ARHGEF28: variants seen among roughly 807,000 people sequenced by gnomAD.
ARHGEF28 encodes Rho guanine nucleotide exchange factor 28.
A neutral mutation model predicts 206.6 loss-of-function variants in ARHGEF28; 152 were observed. The observed-to-expected ratio is 0.74, with a 90% CI of 0.64 to 0.84. ARHGEF28 has a LOEUF of 0.84. Ranked by LOEUF, ARHGEF28 falls within the 40% of genes least tolerant of loss-of-function variation. ARHGEF28 has a pLI of 0.00. For missense variants in ARHGEF28, 2,028 were observed against 2,073.2 expected, an observed-to-expected ratio of 0.98 and a Z score of 0.42; for synonymous variants, 763 against 776.4, an observed-to-expected ratio of 0.98 and a Z score of 0.29.
At chr5:73,633,671 G>T (rs1450703107) in intron 1 of ARHGEF28, among the ~76,000 whole-genome samples, 1 of 149,082 alleles carries the variant, frequency 6.7e-6, no homozygotes, top group Non-Finnish European at 1.5e-5. Flanking sequence ...CCGCCTCCTG[G>T]GTTCAAGCAA....
At chr5:73,742,708 C>T (rs754026189) in intron 2 of ARHGEF28, among the ~76,000 whole-genome samples, 7 of 150,558 alleles carry the variant, frequency 4.6e-5, no homozygotes, top group Non-Finnish European at 7.4e-5. Flanking sequence ...CCTGTAGTCC[C>T]AGCTACTCGG....
intron 9 of ARHGEF28, among the ~76,000 whole-genome samples, chr5:73,807,214 T>C (rs149173396): frequency 8.5e-5 from 13 of 152,202 alleles, no homozygotes; most frequent in Middle Eastern, 3.4e-3. Context: ...TTATTCTTGC[T>C]TCTGCCACCT....
intron 9 of ARHGEF28, among the ~76,000 whole-genome samples, chr5:73,826,300 T>A (rs1390522379): frequency 6.6e-6 from 1 of 152,194 alleles, no homozygotes; most frequent in Non-Finnish European, 1.5e-5. Flanking sequence ...AGGCTCACCC[T>A]TTTTATGGTG....
rs1452905124 is a variant in ARHGEF28 at position 73,806,373 on chromosome 5, TATATATAG to T, written c.1024+10998_1024+11005del. On this transcript the variant is annotated intron_variant, in intron 9 of 35. Transcript: ENST00000513042. ...AGATATACTATCTATCTATATATAC[TATATATAG>T]ATATATAGATATATATACATATATA... Among the ~76,000 whole-genome samples, 22 of 30,280 alleles carry T rather than the reference TATATATAG, an allele frequency of 7.3e-4. 1 individual carries two copies. In the South Asian group the frequency reaches 0.022, roughly 31 times the overall value. 19.9% of individuals were successfully genotyped at this position (30,280 alleles called of 152,430 possible).
At chr5:73,733,768 AAG>A (rs1376276504) in intron 2 of ARHGEF28, among the ~76,000 whole-genome samples, 7 of 152,298 alleles carry the variant, frequency 4.6e-5, no homozygotes, top group Non-Finnish European at 7.4e-5. Flanking sequence ...AGGCGTGAAA[AAG>A]AAGAAATATC....
chr5:73,652,596 T>G (rs910955846), intron 1 of ARHGEF28, among the ~76,000 whole-genome samples: 2 of 152,134 alleles, frequency 1.3e-5, no homozygotes, highest in Non-Finnish European at 2.9e-5. Flanking sequence ...TCTTTGTAGG[T>G]TTATGAGTGA....
At chr5:73,757,038 T>TTCCACTAA (rs1752351951) in intron 4 of ARHGEF28, among the ~76,000 whole-genome samples, 1 of 152,330 alleles carries the variant, frequency 6.6e-6, no homozygotes, top group East Asian at 1.9e-4. Flanking sequence ...TTTGGTGGGG[T>TTCCACTAA]TCCACTAATC....
At chr5:73,841,083 T>G (rs994407244) in intron 11 of ARHGEF28, among the ~76,000 whole-genome samples, 1 of 152,226 alleles carries the variant, frequency 6.6e-6, no homozygotes, top group Non-Finnish European at 1.5e-5. Flanking sequence ...GAGAAAATTG[T>G]GTAACTTGGG....
At chr5:73,654,062 G>C (rs1745015531) in intron 1 of ARHGEF28, among the ~76,000 whole-genome samples, 1 of 152,168 alleles carries the variant, frequency 6.6e-6, no homozygotes, top group East Asian at 1.9e-4. Flanking sequence ...CCTTAAGTTA[G>C]GGTGCTTAAG....
intron 1 of ARHGEF28, among the ~76,000 whole-genome samples, chr5:73,657,539 T>C (rs2112180536): frequency 6.6e-6 from 1 of 152,336 alleles, no homozygotes; most frequent in South Asian, 2.1e-4. Context: ...TGTACTGTCT[T>C]TTTCATGATG....
At chr5:73,781,669 G>A (rs1561399615) in intron 7 of ARHGEF28, among the ~76,000 whole-genome samples, 2 of 152,006 alleles carry the variant, frequency 1.3e-5, no homozygotes, top group South Asian at 2.1e-4. Context: ...TTCAAAACCC[G>A]GTGGTTGCAA....
chr5:73,735,259 A>T (rs914955601), intron 2 of ARHGEF28, among the ~76,000 whole-genome samples: 1 of 151,540 alleles, frequency 6.6e-6, no homozygotes, highest in Non-Finnish European at 1.5e-5. Context: ...AAATTAAATT[A>T]AAATTTATTT....
At chr5:73,921,494 T>C (rs1453325577) in intron 35 of ARHGEF28, among the ~76,000 whole-genome samples, 1 of 152,236 alleles carries the variant, frequency 6.6e-6, no homozygotes, top group Non-Finnish European at 1.5e-5. Flanking sequence ...TTCAGTTTAA[T>C]TTGAAATGTT....
chr5:73,703,607 T>C (rs1485742679), intron 2 of ARHGEF28, among the ~76,000 whole-genome samples: 1 of 152,070 alleles, frequency 6.6e-6, no homozygotes, highest in East Asian at 1.9e-4. Flanking sequence ...ATTCAGTTAC[T>C]TGAAAGGCTT....
At chr5:73,793,725 T>G (rs1270580220) in intron 7 of ARHGEF28, among the ~76,000 whole-genome samples, 1 of 152,142 alleles carries the variant, frequency 6.6e-6, no homozygotes, top group African/African-American at 2.4e-5. Context: ...CGGCTCTTGT[T>G]TAAGGGCAAC....
intron 9 of ARHGEF28, among the ~76,000 whole-genome samples, chr5:73,824,660 G>T (rs1324139486): frequency 1.4e-4 from 22 of 152,066 alleles, no homozygotes; most frequent in Non-Finnish European, 2.9e-5. Flanking sequence ...TAGAGACAGG[G>T]TTTTGCCGTG....
chr5:73,906,181 CATCTT>C (rs1400745231), intron 33 of ARHGEF28, among the ~76,000 whole-genome samples: 2 of 152,156 alleles, frequency 1.3e-5, no homozygotes, highest in Admixed American at 1.3e-4. Flanking sequence ...TGACAGTGCT[CATCTT>C]ATTTATTTTT....
intron 1 of ARHGEF28, among the ~76,000 whole-genome samples, chr5:73,646,159 C>T (rs763482844): frequency 9.9e-5 from 15 of 152,148 alleles, no homozygotes; most frequent in Non-Finnish European, 2.2e-4. Flanking sequence ...TTTACATCTC[C>T]CTCTTCTTTA....
chr5:73,641,108 T>G (rs1208230130), intron 1 of ARHGEF28, among the ~76,000 whole-genome samples: 2 of 152,220 alleles, frequency 1.3e-5, no homozygotes, highest in Non-Finnish European at 1.5e-5. Flanking sequence ...ACAAAGACAC[T>G]GTTCTTACAT....
Sources: gnomAD v4.1 joint callset for allele counts (sites outside exome capture counted in the v4.1 genomes callset) on GRCh38, gnomAD v4.1.1 for gene constraint, MANE v1.5 for transcripts, NCBI Gene and HGNC (gene_info 2026-07-23, HGNC 2026-07-21) for gene names.